KAT2B: variants seen among roughly 807,000 people sequenced by gnomAD.
The protein encoded by KAT2B is lysine acetyltransferase 2B, also known as histone acetyltransferase KAT2B.
Under a neutral mutation model 105.9 loss-of-function variants are expected in KAT2B, and 36 were observed. The observed-to-expected ratio is 0.34, with a 90% CI of 0.26 to 0.45. The LOEUF is 0.45. Ranked by LOEUF, KAT2B falls within the 20% of genes least tolerant of loss-of-function variation. The pLI is 1.00. For synonymous variants in KAT2B, 397 were observed against 377.9 expected (o/e 1.05, Z -0.59); for missense variants, 820 against 1,021.6 (o/e 0.80, Z 2.69).
At chr3:20,106,981 A>ATATATATATATATATATATG (rs1699020581) in intron 5 of KAT2B, among the ~76,000 whole-genome samples, 2 of 6,240 alleles carry the variant, frequency 3.2e-4, no homozygotes, top group Non-Finnish European at 5.5e-4. Flanking sequence ...ATATATATGT[A>ATATATATATATATATATATG]TATATATATA....
chr3:20,107,438 A>C (rs1186437800), intron 5 of KAT2B, among the ~76,000 whole-genome samples: 1 of 151,526 alleles, frequency 6.6e-6, no homozygotes, highest in African/African-American at 2.4e-5. Flanking sequence ...CGGATGGATC[A>C]CTTGACGTCA....
At chr3:20,053,661 T>A (rs945731226) in intron 1 of KAT2B, among the ~76,000 whole-genome samples, 1 of 152,378 alleles carries the variant, frequency 6.6e-6, no homozygotes. Flanking sequence ...ATTAGTAAAC[T>A]TAAAAATCAA....
In KAT2B at chr3:20,042,768, T is replaced by TATG. The variant is rs1403376691; in HGVS notation, c.303+1989_303+1991dup. Among the ~76,000 whole-genome samples the TATG allele has an allele frequency of 2.6e-5, 4 of 152,338 alleles. No homozygotes were observed. The South Asian group carries it at 6.2e-4, about 24-fold the overall frequency. Reference sequence around the variant, plus strand: ...TTGGTTTTGTCTAAAACCATGAGCATATGTGGCCTGCATTGATATTTTTGA... The same window carrying TATG: ...TTGGTTTTGTCTAAAACCATGAGCATATGATGTGGCCTGCATTGATATTTTTGA... On this transcript the variant is annotated intron_variant, in intron 1 of 17. Coordinates refer to ENST00000263754, the MANE Select transcript of KAT2B (RefSeq NM_003884.5).
chr3:20,105,050 T>C (rs993399230), intron 5 of KAT2B, among the ~76,000 whole-genome samples: 1 of 152,124 alleles, frequency 6.6e-6, no homozygotes, highest in African/African-American at 2.4e-5. Flanking sequence ...CATGCCTGGC[T>C]AATTTTTGTA....
At chr3:20,086,484 C>G (rs953983442) in intron 2 of KAT2B, among the ~76,000 whole-genome samples, 1 of 152,144 alleles carries the variant, frequency 6.6e-6, no homozygotes, top group African/African-American at 2.4e-5. Flanking sequence ...GCCTATAGTC[C>G]CAGCCACTTG....
intron 1 of KAT2B, among the ~76,000 whole-genome samples, chr3:20,051,182 A>T (rs1436315961): frequency 1.4e-5 from 2 of 143,014 alleles, no homozygotes; most frequent in African/African-American, 5.2e-5. Flanking sequence ...CCTGGGTGAC[A>T]GAGCAATACT....
chr3:20,098,323 A>C (rs78147783), intron 3 of KAT2B, among the ~76,000 whole-genome samples: 2,109 of 151,986 alleles, frequency 0.014, 43 homozygotes, highest in African/African-American at 0.048. Flanking sequence ...AGTGCTTACA[A>C]ATGTGGCGCT....
intron 1 of KAT2B, 142 bp downstream of exon 1, chr3:20,040,922 C>G (rs1697705749): frequency 9.6e-7 from 1 of 1,038,542 alleles, no homozygotes; most frequent in African/African-American, 1.7e-5. Context: ...CGGAAGTGCT[C>G]TTGTCGCCCG....
rs531131388 is a variant in KAT2B at position 20,067,986 on chromosome 3, TTTTC to T, written c.304-4335_304-4332del. On this transcript the variant is annotated intron_variant, in intron 1 of 17. Coordinates refer to ENST00000263754, the MANE Select transcript of KAT2B (RefSeq NM_003884.5). Reference sequence around the variant, plus strand: ...CCCGTCTGGCTTAATTTCATTTCTTTTTTCTTTCTTTCTTTTTTTTTTGTTTTTG... The same window carrying T: ...CCCGTCTGGCTTAATTTCATTTCTTTTTTCTTTCTTTTTTTTTTGTTTTTG... Among the ~76,000 whole-genome samples, 156 of 148,968 alleles carry T rather than the reference TTTTC, an allele frequency of 1.0e-3. 1 individual carries two copies. The highest frequency in any genetic ancestry group is 3.6e-3 in the African/African-American group (147 of 40,428).
chr3:20,051,722 A>G (rs1697919170), intron 1 of KAT2B, among the ~76,000 whole-genome samples: 1 of 152,204 alleles, frequency 6.6e-6, no homozygotes, highest in Admixed American at 6.5e-5. Flanking sequence ...CTCCACAAAG[A>G]TTTTTCATAA....
chr3:20,140,445 G>T, intron 13 of KAT2B, 81 bp downstream of exon 13: 1 of 1,428,480 alleles, frequency 7.0e-7, no homozygotes, highest in African/African-American at 1.4e-5. Flanking sequence ...GGTGCTGCGT[G>T]TATGTGTTTA....
intron 8 of KAT2B, among the ~76,000 whole-genome samples, chr3:20,121,577 T>A (rs981669254): frequency 1.4e-4 from 22 of 152,178 alleles, no homozygotes; most frequent in African/African-American, 5.3e-4. Flanking sequence ...TTGTGAGGCA[T>A]CATTTTAGGG....
intron 1 of KAT2B, among the ~76,000 whole-genome samples, chr3:20,062,877 TTG>T (rs1698162273): frequency 6.6e-6 from 1 of 152,072 alleles, no homozygotes; most frequent in South Asian, 2.1e-4. Context: ...AATTTCGTTG[TTG>T]TTGTTGTTGT....
In KAT2B at chr3:20,049,357, A is replaced by C. The variant is rs6805752; in HGVS notation, c.303+8577A>C. On this transcript the variant is annotated intron_variant, in intron 1 of 17. Transcript: ENST00000263754. Reference sequence around the variant, plus strand: ...GTATTAGCAGTTTGTGTGTTTGCCAAAGTGTTATGTCTCACGACATTTGAT... The same window carrying C: ...GTATTAGCAGTTTGTGTGTTTGCCACAGTGTTATGTCTCACGACATTTGAT... 3.7e-3 allele frequency among the ~76,000 whole-genome samples: 558 copies of C among 152,310 alleles called. 8 individuals carry two copies. Among genetic ancestry groups the C allele is most frequent in the African/African-American group, 0.013 (542 of 41,552 alleles).
At chr3:20,063,350 G>A (rs1192858867) in intron 1 of KAT2B, among the ~76,000 whole-genome samples, 1 of 150,670 alleles carries the variant, frequency 6.6e-6, no homozygotes, top group Non-Finnish European at 1.5e-5. Context: ...GGCCGCCTGT[G>A]CTTTTGGTAT....
At chr3:20,054,252 C>T (rs1046558935) in intron 1 of KAT2B, among the ~76,000 whole-genome samples, 1 of 152,064 alleles carries the variant, frequency 6.6e-6, no homozygotes, top group Non-Finnish European at 1.5e-5. Context: ...CCTCAGCCTC[C>T]TGAGTAGCTG....
At chr3:20,047,573 C>A (rs996004585) in intron 1 of KAT2B, among the ~76,000 whole-genome samples, 29 of 151,160 alleles carry the variant, frequency 1.9e-4, no homozygotes, top group African/African-American at 6.8e-4. Flanking sequence ...ATGACTTCTT[C>A]CATCCCCGAA....
At chr3:20,125,306 G>GAAAAAAAA (rs34271857) in intron 9 of KAT2B, among the ~76,000 whole-genome samples, 1 of 117,164 alleles carries the variant, frequency 8.5e-6, no homozygotes, top group Admixed American at 9.2e-5. Flanking sequence ...CTCCGTCTCA[G>GAAAAAAAA]AAAAAAAAAA....
At chr3:20,108,572 A>G (rs1158484752) in intron 5 of KAT2B, among the ~76,000 whole-genome samples, 1 of 152,240 alleles carries the variant, frequency 6.6e-6, no homozygotes, top group Admixed American at 6.5e-5. Context: ...TAGATATACA[A>G]ATACTTACCA....
Sources: allele counts gnomAD v4.1 joint callset (sites outside exome capture counted in the v4.1 genomes callset), GRCh38; gene constraint gnomAD v4.1.1; transcripts MANE v1.5; gene names NCBI Gene and HGNC (gene_info 2026-07-23, HGNC 2026-07-21).